Variants in LUZP2 observed in about 807,000 individuals in gnomAD.
The protein encoded by LUZP2 is leucine zipper protein 2.
A neutral mutation model predicts 51.6 loss-of-function variants in LUZP2; 52 were observed. That is an observed-to-expected ratio of 1.01 (90% CI 0.81 to 1.27). The LOEUF (loss-of-function observed/expected upper bound fraction) is 1.27, where lower values mean the gene tolerates loss of function less well. LUZP2 is among the 50% of genes most tolerant of loss of function. The probability of loss-of-function intolerance (pLI) is 0.00; values close to 1 mark genes in which losing one functional copy is unlikely to be tolerated. For missense variants in LUZP2, 436 were observed against 395.4 expected, an observed-to-expected ratio of 1.10 and a Z score of -0.87; for synonymous variants, 154 against 137.3, an observed-to-expected ratio of 1.12 and a Z score of -0.85.
intron 5 of LUZP2, among the ~76,000 whole-genome samples, chr11:24,862,446 A>G (rs1163618876): frequency 3.3e-5 from 5 of 152,188 alleles, no homozygotes; most frequent in African/African-American, 1.2e-4. Flanking sequence ...GCAAAAACAC[A>G]CCAAAATACA....
intron 4 of LUZP2, among the ~76,000 whole-genome samples, chr11:24,739,436 G>C (rs1859056365): frequency 6.6e-6 from 1 of 152,030 alleles, no homozygotes. Context: ...TCTGGGAGGA[G>C]GACTTCTCAC....
intron 1 of LUZP2, among the ~76,000 whole-genome samples, chr11:24,715,255 G>A (rs1242903588): frequency 7.0e-6 from 1 of 142,524 alleles, no homozygotes; most frequent in Non-Finnish European, 1.5e-5. Context: ...CCAATTCAAG[G>A]AGCAACTATG....
At chr11:24,580,520 A>T (rs1233926573) in intron 1 of LUZP2, among the ~76,000 whole-genome samples, 2 of 152,186 alleles carry the variant, frequency 1.3e-5, no homozygotes, top group Non-Finnish European at 2.9e-5. Context: ...TGCTGATTTA[A>T]TTAGCAAAAG....
At chr11:24,671,553 CTCTG>C (rs2134002677) in intron 1 of LUZP2, among the ~76,000 whole-genome samples, 1 of 135,266 alleles carries the variant, frequency 7.4e-6, no homozygotes, top group African/African-American at 2.9e-5. Flanking sequence ...TTATTTTTCT[CTCTG>C]TCTTACACAC....
intron 4 of LUZP2, among the ~76,000 whole-genome samples, chr11:24,753,786 C>G (rs1859676395): frequency 6.6e-6 from 1 of 152,156 alleles, no homozygotes; most frequent in African/African-American, 2.4e-5. Context: ...GAGATTAAGC[C>G]AAGGGACCCT....
In LUZP2 at chr11:24,651,078, C is replaced by A. The variant is rs188973073; in HGVS notation, c.63-78091C>A. ...CTTTTTTCCTTTGTATTAATATTTT[C>A]CTTTCCTGTTCTGCTTTCCAACAAT... On this transcript the variant is annotated intron_variant, in intron 1 of 11. Coordinates refer to ENST00000336930, the MANE Select transcript of LUZP2 (RefSeq NM_001009909.4). 1.1e-3 allele frequency among the ~76,000 whole-genome samples: 174 copies of A among 152,100 alleles called. 1 individual carries two copies. The highest frequency in any genetic ancestry group is 1.5e-3 in the Non-Finnish European group (102 of 67,936).
chr11:24,882,994 A>T, intron 5 of LUZP2, among the ~76,000 whole-genome samples: 1 of 148,928 alleles, frequency 6.7e-6, no homozygotes, highest in South Asian at 2.1e-4. Flanking sequence ...AAGGAAGGAA[A>T]GAAAAGAAAA....
At chr11:24,868,361 G>A (rs184415786) in intron 5 of LUZP2, among the ~76,000 whole-genome samples, 1 of 152,220 alleles carries the variant, frequency 6.6e-6, no homozygotes, top group East Asian at 1.9e-4. Flanking sequence ...GGAAGCATAA[G>A]ACTGCATTCC....
chr11:24,690,652 A>T (rs192516068), intron 1 of LUZP2, among the ~76,000 whole-genome samples: 1,616 of 152,162 alleles, frequency 0.011, 29 homozygotes, highest in African/African-American at 0.036. Context: ...GAAGAAGTTG[A>T]GTTGAGGCTA....
chr11:24,781,100 T>C (rs1255922212), intron 5 of LUZP2, among the ~76,000 whole-genome samples: 2 of 152,122 alleles, frequency 1.3e-5, no homozygotes, highest in African/African-American at 2.4e-5. Flanking sequence ...TGTTCAATCT[T>C]TATCACTTTG....
intron 5 of LUZP2, among the ~76,000 whole-genome samples, chr11:24,864,229 A>G (rs549883836): frequency 6.6e-6 from 1 of 152,282 alleles, no homozygotes; most frequent in African/African-American, 2.4e-5. Context: ...TGAAGTTTCT[A>G]TGATGTAGAC....
chr11:24,957,997 C>T (rs939062735), intron 7 of LUZP2, among the ~76,000 whole-genome samples: 48 of 151,940 alleles, frequency 3.2e-4, no homozygotes, highest in Admixed American at 1.0e-3. Context: ...TGAGAATATG[C>T]GATGTTTGGT....
rs541516296 is a variant in LUZP2 at position 24,953,955 on chromosome 11, A to G, written c.523-22636A>G. On this transcript the variant is annotated intron_variant, in intron 7 of 11. Coordinates refer to ENST00000336930, the MANE Select transcript of LUZP2 (RefSeq NM_001009909.4). Reference sequence around the variant, plus strand: ...TTAAACATTATGTATTAATATAACCATACAAATAAATGGTTCAACTATTAA... The same window carrying G: ...TTAAACATTATGTATTAATATAACCGTACAAATAAATGGTTCAACTATTAA... Among the ~76,000 whole-genome samples the G allele has an allele frequency of 2.8e-4, 43 of 152,224 alleles. 2 individuals carry two copies. In the South Asian group the frequency reaches 8.7e-3, roughly 31 times the overall value.
intron 1 of LUZP2, among the ~76,000 whole-genome samples, chr11:24,622,508 G>A (rs1488050007): frequency 6.6e-6 from 1 of 151,932 alleles, no homozygotes; most frequent in African/African-American, 2.4e-5. Flanking sequence ...ACCGCACCAG[G>A]CCTCCTCACA....
At chr11:24,879,321 A>T (rs1852378621) in intron 5 of LUZP2, among the ~76,000 whole-genome samples, 1 of 152,142 alleles carries the variant, frequency 6.6e-6, no homozygotes. Context: ...TCTATCATTG[A>T]TTGGCATTTT....
At chr11:24,876,639 T>G (rs1294871160) in intron 5 of LUZP2, among the ~76,000 whole-genome samples, 1 of 151,766 alleles carries the variant, frequency 6.6e-6, no homozygotes, top group African/African-American at 2.4e-5. Flanking sequence ...GTGAAGAAAG[T>G]CATTGGTAGC....
intron 1 of LUZP2, among the ~76,000 whole-genome samples, chr11:24,576,056 A>T (rs1852635234): frequency 6.6e-6 from 1 of 152,176 alleles, no homozygotes; most frequent in African/African-American, 2.4e-5. Context: ...AATGAAGTAA[A>T]GGAACCTATA....
intron 1 of LUZP2, among the ~76,000 whole-genome samples, chr11:24,691,188 A>G (rs371051789): frequency 1.1e-4 from 16 of 151,994 alleles, no homozygotes; most frequent in East Asian, 3.9e-4. Flanking sequence ...CATGTTGTTC[A>G]GTACCTGATA....
At chr11:24,784,541 T>G (rs1390635131) in intron 5 of LUZP2, among the ~76,000 whole-genome samples, 3 of 152,012 alleles carry the variant, frequency 2.0e-5, no homozygotes, top group Admixed American at 1.3e-4. Flanking sequence ...AAAAACAAGA[T>G]GTATTCATTA....
Sources: allele counts gnomAD v4.1 joint callset (sites outside exome capture counted in the v4.1 genomes callset), GRCh38; gene constraint gnomAD v4.1.1; transcripts MANE v1.5; gene names NCBI Gene and HGNC (gene_info 2026-07-23, HGNC 2026-07-21).